MEP1B: variants seen among roughly 807,000 people sequenced by gnomAD.
The protein encoded by MEP1B is N-benzoyl-L-tyrosyl-P-amino-benzoic acid hydrolase subunit beta.
A neutral mutation model predicts 84.6 loss-of-function variants in MEP1B; 80 were observed. That is an observed-to-expected ratio of 0.95 (90% CI 0.79 to 1.14). The LOEUF (loss-of-function observed/expected upper bound fraction) is 1.14. Among genes scored for constraint, MEP1B ranks in the 50% most tolerant of loss-of-function variants. The pLI, the probability that MEP1B is intolerant of heterozygous loss-of-function variation, is 0.00. For missense variants in MEP1B, 766 were observed against 855.1 expected (o/e 0.90, Z 1.30); for synonymous variants, 273 against 288.1 (o/e 0.95, Z 0.53).
chr18:32,202,239 T>C (rs935556468), intron 5 of MEP1B, among the ~76,000 whole-genome samples: 1 of 152,210 alleles, frequency 6.6e-6, no homozygotes, highest in Non-Finnish European at 1.5e-5. Context: ...GTGCATCTGA[T>C]ACAGCCCGTT....
intron 4 of MEP1B, 91 bp downstream of exon 4, chr18:32,192,908 G>A: frequency 2.0e-6 from 2 of 979,736 alleles, no homozygotes; most frequent in Non-Finnish European, 3.2e-6. Flanking sequence ...CATGAACTTT[G>A]TTAAGCCTAA....
chr18:32,201,299 TACAC>T (rs58057830), intron 5 of MEP1B, among the ~76,000 whole-genome samples: 295 of 144,282 alleles, frequency 2.0e-3, no homozygotes, highest in East Asian at 2.5e-3. Context: ...CATATGTAGA[TACAC>T]ACACACACAC....
intron 5 of MEP1B, 121 bp downstream of exon 5, chr18:32,195,606 G>A: frequency 1.7e-6 from 1 of 583,272 alleles, no homozygotes; most frequent in Non-Finnish European, 2.9e-6. Context: ...TCCTTTGTGT[G>A]GCTATGTACA....
intron 4 of MEP1B, among the ~76,000 whole-genome samples, chr18:32,193,167 T>C (rs965523018): frequency 6.6e-6 from 1 of 152,198 alleles, no homozygotes; most frequent in African/African-American, 2.4e-5. Context: ...TAAACTGAAT[T>C]TGTAAACATC....
chr18:32,214,104 G>C (rs335516), intron 11 of MEP1B, among the ~76,000 whole-genome samples: 1 of 151,930 alleles, frequency 6.6e-6, no homozygotes, highest in African/African-American at 2.4e-5. Context: ...ATAATTCAGC[G>C]TTTGAAATGG....
At chr18:32,213,798 G>A (rs1163909739) in intron 11 of MEP1B, among the ~76,000 whole-genome samples, 1 of 152,118 alleles carries the variant, frequency 6.6e-6, no homozygotes, top group Non-Finnish European at 1.5e-5. Context: ...AGAACTGATG[G>A]CCCTTCTCAA....
intron 14 of MEP1B, among the ~76,000 whole-genome samples, chr18:32,219,810 G>GCACACACA (rs34525566): frequency 3.4e-5 from 5 of 149,202 alleles, no homozygotes; most frequent in Non-Finnish European, 6.0e-5. Context: ...AAACACACAT[G>GCACACACA]CACACACACA....
Position 32,203,015 on chromosome 18 carries a change from G to A in MEP1B, c.368+5G>A, listed in dbSNP as rs1438297616. 1 of 1,553,636 alleles carries A rather than the reference G, an allele frequency of 6.4e-7. No individual in the cohort carries two copies. Among genetic ancestry groups the A allele is most frequent in the African/African-American group, 1.4e-5 (1 of 73,874 alleles). On this transcript the variant is annotated splice_donor_5th_base_variant and intron_variant, in intron 6 of 14. Coordinates refer to ENST00000269202, the MANE Select transcript of MEP1B (RefSeq NM_005925.3). ...ATCAGTGTTCAAGGGCAGTGGGTAA[G>A]TTGCAGACTTAGTCTTCTAAGGCAT...
chr18:32,208,677 T>G (rs1452469776), intron 9 of MEP1B, among the ~76,000 whole-genome samples: 3 of 152,266 alleles, frequency 2.0e-5, no homozygotes, highest in Admixed American at 2.0e-4. Flanking sequence ...TGTGATTATA[T>G]GCTCCTGTTA....
In MEP1B at chr18:32,196,492, T is replaced by G; in HGVS notation, c.250+1007T>G. ...GGGCCGACCGGAAACTCAGCTTTGC[T>G]CTCATAGACCGAGGTGATGAGGTGG... On this transcript the variant is annotated intron_variant, in intron 5 of 14. Transcript: ENST00000269202. The surrounding 1 kb of genome is among the most constrained non-coding windows in gnomAD (Gnocchi z 4.4). The G allele has an allele frequency of 1.4e-6, 1 of 695,732 alleles. No individual in the cohort carries two copies. The highest frequency in any genetic ancestry group is 2.6e-6 in the Non-Finnish European group (1 of 377,634). 43.1% of individuals were successfully genotyped at this position (695,732 alleles called of 1,614,324 possible).
chr18:32,196,202 C>A lies in MEP1B; in HGVS notation c.250+717C>A, dbSNP rs963551884. 2 of 676,804 alleles carry A rather than the reference C, an allele frequency of 3.0e-6. No homozygotes were observed. The highest frequency in any genetic ancestry group is 2.8e-6 in the Non-Finnish European group (1 of 359,514). 41.9% of individuals were successfully genotyped at this position (676,804 alleles called of 1,614,324 possible). A position where few individuals can be genotyped will look rare whatever the true frequency, so the allele number is the denominator to read the frequency against. On this transcript the variant is annotated intron_variant, in intron 5 of 14. Transcript: ENST00000269202. The surrounding 1 kb of genome is among the most constrained non-coding windows in gnomAD (Gnocchi z 4.4). ...ACCTCGGCTTTCAGACTCTCCAAGT[C>A]TTTTTGGCTGAGAGGAATGAAGAGG...
At chr18:32,193,968 T>C (rs960198963) in intron 4 of MEP1B, among the ~76,000 whole-genome samples, 2 of 152,194 alleles carry the variant, frequency 1.3e-5, no homozygotes, top group Admixed American at 6.5e-5. Flanking sequence ...TCCACTTGAA[T>C]GTCTACAAGA....
Position 32,220,235 on chromosome 18 carries a change from A to G in MEP1B, c.2096A>G (p.His699Arg), listed in dbSNP as rs900475374. 6.2e-7 allele frequency: 1 copy of G among 1,608,384 alleles called. No individual in the cohort carries two copies. Among genetic ancestry groups the G allele is most frequent in the South Asian group, 1.1e-5 (1 of 89,882 alleles). Reference protein sequence around the residue: ...NRPNLTPQNQHAF With the variant: ...NRPNLTPQNQRAF ...AATTGTTCTTTCCCCTTTTAGCAGCATGCTTTTTGAAGATTAACTCGACAA... is the reference window on the plus strand; with the variant it reads ...AATTGTTCTTTCCCCTTTTAGCAGCGTGCTTTTTGAAGATTAACTCGACAA... The change falls in exon 15 of 15, where the codon CAT becomes CGT. Residue 699 changes from histidine (H) to arginine (R), a missense_variant. By Grantham distance (29) the His-to-Arg change is conservative. Transcript: ENST00000269202.
chr18:32,195,385 C>G (rs377046011), intron 4 of MEP1B, 22 bp from the exon 5 acceptor site: 1 of 1,527,876 alleles, frequency 6.5e-7, no homozygotes, highest in Admixed American at 1.7e-5. Context: ...TTAACTAGCC[C>G]TTTTGCATTT....
At chr18:32,213,862 C>G (rs1274552261) in intron 11 of MEP1B, among the ~76,000 whole-genome samples, 1 of 152,152 alleles carries the variant, frequency 6.6e-6, no homozygotes, top group Non-Finnish European at 1.5e-5. Context: ...TGCCTGAGTT[C>G]AAGTCCAAAG....
At chr18:32,202,474 G>A (rs550720161) in intron 5 of MEP1B, among the ~76,000 whole-genome samples, 2 of 152,156 alleles carry the variant, frequency 1.3e-5, no homozygotes, top group Non-Finnish European at 2.9e-5. Flanking sequence ...TACTATTTCA[G>A]GGTATTCATA....
At position 32,196,525 on chromosome 18, in the gene MEP1B, G is replaced by T; in HGVS notation, c.250+1040G>T. On this transcript the variant is annotated intron_variant, in intron 5 of 14. Coordinates refer to ENST00000269202, the MANE Select transcript of MEP1B (RefSeq NM_005925.3). This position sits in a 1 kb window ranked among gnomAD's most constrained non-coding sequence, Gnocchi z 4.4. Reference sequence around the variant, plus strand: ...ACCGAGGTGATGAGGTGGTGGCCAAGGGCCACCTTGAGAGCTTTGGGCCCT... The same window carrying T: ...ACCGAGGTGATGAGGTGGTGGCCAATGGCCACCTTGAGAGCTTTGGGCCCT... The T allele has an allele frequency of 1.4e-6, 1 of 697,368 alleles. No individual in the cohort carries two copies. 43.2% of individuals were successfully genotyped at this position (697,368 alleles called of 1,614,324 possible). A position where few individuals can be genotyped will look rare whatever the true frequency, so the allele number is the denominator to read the frequency against.
chr18:32,207,559 G>T, intron 8 of MEP1B, 89 bp downstream of exon 8: 1 of 861,048 alleles, frequency 1.2e-6, no homozygotes, highest in Non-Finnish European at 1.9e-6. Flanking sequence ...AAGCATTGGT[G>T]GGGTTTCTGC....
chr18:32,213,913 C>G (rs900983993), intron 11 of MEP1B, among the ~76,000 whole-genome samples: 4 of 152,168 alleles, frequency 2.6e-5, no homozygotes, highest in African/African-American at 9.7e-5. Context: ...CAAATAATCT[C>G]TTAGGGCCCC....
Sources: allele counts gnomAD v4.1 joint callset (sites outside exome capture counted in the v4.1 genomes callset), GRCh38; gene constraint gnomAD v4.1.1; non-coding constraint Gnocchi (gnomAD v3.1); transcripts MANE v1.5; gene names NCBI Gene and HGNC (gene_info 2026-07-23, HGNC 2026-07-21).